Variants in XKR9 observed in about 807,000 individuals in gnomAD.
XKR9 encodes the protein XK-related protein 9.
XKR9 carries 32 observed loss-of-function variants against 32.0 expected under a neutral mutation model. The observed-to-expected ratio is 1.00, with a 90% CI of 0.76 to 1.34. The LOEUF (loss-of-function observed/expected upper bound fraction) is 1.34. Ranked by LOEUF, XKR9 falls within the 40% of genes most tolerant of loss-of-function variation. The pLI, the probability that XKR9 is intolerant of heterozygous loss-of-function variation, is 0.00. For missense variants in XKR9, 546 were observed against 429.7 expected, an observed-to-expected ratio of 1.27 and a Z score of -2.39; for synonymous variants, 168 against 143.4, an observed-to-expected ratio of 1.17 and a Z score of -1.22.
chr8:70,669,989 A>G (rs1417156196), intron 1 of XKR9, among the ~76,000 whole-genome samples: 1 of 152,164 alleles, frequency 6.6e-6, no homozygotes, highest in African/African-American at 2.4e-5. Flanking sequence ...TTTATAATAA[A>G]TAGTGGTAAG....
the XKR9 span, among the ~76,000 whole-genome samples, chr8:70,934,653 C>T: frequency 6.6e-6 from 1 of 151,924 alleles, no homozygotes; most frequent in African/African-American, 2.4e-5. Context: ...TATTATAACA[C>T]AGGGGAAGAG....
intron 4 of XKR9, among the ~76,000 whole-genome samples, chr8:70,713,073 G>A (rs1805973634): frequency 6.6e-6 from 1 of 152,020 alleles, no homozygotes; most frequent in Non-Finnish European, 1.5e-5. Flanking sequence ...TGAAAATATG[G>A]AACAGAAAAC....
At chr8:70,965,098 C>G in the XKR9 span, among the ~76,000 whole-genome samples, 1 of 151,974 alleles carries the variant, frequency 6.6e-6, no homozygotes, top group African/African-American at 2.4e-5. Context: ...ATAAATGGCT[C>G]TTATTATTTT....
chr8:70,777,415 A>G (rs962623382), intron 2 of XKR9, among the ~76,000 whole-genome samples: 2 of 152,174 alleles, frequency 1.3e-5, no homozygotes, highest in Non-Finnish European at 2.9e-5. Context: ...TGCAATAAAC[A>G]TACGTGTGCA....
intron 2 of XKR9, among the ~76,000 whole-genome samples, chr8:70,749,695 G>C (rs1287421564): frequency 6.6e-6 from 1 of 152,224 alleles, no homozygotes; most frequent in African/African-American, 2.4e-5. Flanking sequence ...GTTGAGCGCA[G>C]CTTGCCAGGC....
chr8:70,957,639 G>C, the XKR9 span, among the ~76,000 whole-genome samples: 4 of 151,996 alleles, frequency 2.6e-5, no homozygotes, highest in African/African-American at 9.7e-5. Context: ...TGTGGTATTT[G>C]GTTTTCTCTT....
At chr8:70,914,966 CA>C in the XKR9 span, among the ~76,000 whole-genome samples, 1 of 152,134 alleles carries the variant, frequency 6.6e-6, no homozygotes, top group Non-Finnish European at 1.5e-5. Flanking sequence ...TTATTCAAAA[CA>C]GTCTCCCTGA....
At position 70,734,434 on chromosome 8, in the gene XKR9, T is replaced by G; in HGVS notation, c.*10T>G. ...TTTCCTAATGGAATAAGCTATTCAT[T>G]TATGATATATATTTTCTTATATTTT... On this transcript the variant is annotated 3_prime_UTR_variant, in exon 5 of 5. Transcript: ENST00000408926. 6.6e-7 allele frequency: 1 copy of G among 1,513,960 alleles called. No homozygotes were observed. Among genetic ancestry groups the G allele is most frequent in the Non-Finnish European group, 8.7e-7 (1 of 1,143,494 alleles). 93.8% of individuals were successfully genotyped at this position (1,513,960 alleles called of 1,614,324 possible). A position where few individuals can be genotyped will look rare whatever the true frequency, so the allele number is the denominator to read the frequency against.
chr8:70,985,368 C>T, the XKR9 span, among the ~76,000 whole-genome samples: 6 of 152,158 alleles, frequency 3.9e-5, no homozygotes, highest in Admixed American at 3.9e-4. Flanking sequence ...GCATAGTATT[C>T]CATGGTGTAT....
At chr8:70,782,591 C>G (rs1413291978) in intron 2 of XKR9, among the ~76,000 whole-genome samples, 1 of 151,950 alleles carries the variant, frequency 6.6e-6, no homozygotes, top group Admixed American at 6.6e-5. Context: ...CTCCCAACCC[C>G]TAACCTCTGT....
intron 2 of XKR9, among the ~76,000 whole-genome samples, chr8:70,749,435 T>C (rs920091618): frequency 3.3e-5 from 5 of 151,558 alleles, no homozygotes; most frequent in African/African-American, 4.9e-5. Context: ...CTCCAAGCTT[T>C]CAGGTGCCAC....
At chr8:70,952,185 C>T in the XKR9 span, among the ~76,000 whole-genome samples, 1 of 140,744 alleles carries the variant, frequency 7.1e-6, no homozygotes, top group East Asian at 2.0e-4. Flanking sequence ...CACACACACA[C>T]ACAGTACTCT....
At chr8:70,768,285 A>T (rs1420161849) in intron 2 of XKR9, among the ~76,000 whole-genome samples, 1 of 152,130 alleles carries the variant, frequency 6.6e-6, no homozygotes, top group Non-Finnish European at 1.5e-5. Flanking sequence ...GGTCTGAGAG[A>T]CTGTTTGTTA....
intron 3 of XKR9, among the ~76,000 whole-genome samples, chr8:70,687,312 C>CTCCTTCTTTCTT (rs751381873): frequency 4.3e-4 from 59 of 138,356 alleles, no homozygotes; most frequent in Middle Eastern, 7.1e-3. Context: ...TCTCTCCTCC[C>CTCCTTCTTTCTT]TCTTTCTTTC....
At chr8:70,770,719 G>T (rs1807442339) in intron 2 of XKR9, among the ~76,000 whole-genome samples, 2 of 152,156 alleles carry the variant, frequency 1.3e-5, no homozygotes, top group Non-Finnish European at 2.9e-5. Flanking sequence ...ACTGTGAGGG[G>T]AAAACTGCCT....
chr8:71,043,911 C>CA, the XKR9 span, among the ~76,000 whole-genome samples: 1 of 151,736 alleles, frequency 6.6e-6, no homozygotes, highest in African/African-American at 2.4e-5. Flanking sequence ...CTGTTAACAG[C>CA]AAAATGAAAC....
At chr8:70,855,415 A>G in the XKR9 span, among the ~76,000 whole-genome samples, 3 of 152,124 alleles carry the variant, frequency 2.0e-5, no homozygotes, top group Non-Finnish European at 2.9e-5. Context: ...AAGCAAGGAG[A>G]GAAGTTTAGA....
the XKR9 span, among the ~76,000 whole-genome samples, chr8:70,898,003 GC>G: frequency 6.6e-6 from 1 of 152,160 alleles, no homozygotes; most frequent in South Asian, 2.1e-4. Flanking sequence ...ATGTCCTGAA[GC>G]TTTTCCCCAA....
chr8:70,982,361 T>C, the XKR9 span, among the ~76,000 whole-genome samples: 5 of 152,120 alleles, frequency 3.3e-5, no homozygotes, highest in African/African-American at 1.2e-4. Context: ...AAGCTTGATG[T>C]GGCTGTTGTG....
Sources: gnomAD v4.1 joint callset for allele counts (sites outside exome capture counted in the v4.1 genomes callset) on GRCh38, gnomAD v4.1.1 for gene constraint, MANE v1.5 for transcripts, NCBI Gene and HGNC (gene_info 2026-07-23, HGNC 2026-07-21) for gene names.